FLI1: variants seen among roughly 807,000 people sequenced by gnomAD.
FLI1 encodes Friend leukemia integration 1 transcription factor.
In FLI1, 13 loss-of-function variants were observed where a neutral mutation model predicts 53.1. The ratio of observed to expected loss-of-function variants is 0.24; its 90% CI spans 0.16 to 0.39. FLI1 has a LOEUF of 0.39. Among genes scored for constraint, FLI1 ranks in the 10% least tolerant of loss-of-function variants. The pLI is 1.00. For synonymous variants in FLI1, 244 were observed against 236.7 expected (o/e 1.03, Z -0.28); for missense variants, 424 against 600.5 (o/e 0.71, Z 3.07).
chr11:128,771,773 G>A (rs929845157), intron 3 of FLI1, among the ~76,000 whole-genome samples: 7 of 151,982 alleles, frequency 4.6e-5, no homozygotes, highest in Admixed American at 4.6e-4. Context: ...ATGAGTCCTC[G>A]AACCACCGCC....
At chr11:128,721,701 C>A (rs192184456) in intron 1 of FLI1, among the ~76,000 whole-genome samples, 2 of 152,148 alleles carry the variant, frequency 1.3e-5, no homozygotes, top group Admixed American at 1.3e-4. Context: ...ACTCTTGGCA[C>A]TCTGGGATTT....
At chr11:128,743,114 A>G (rs1940208157) in intron 1 of FLI1, among the ~76,000 whole-genome samples, 1 of 152,134 alleles carries the variant, frequency 6.6e-6, no homozygotes, top group African/African-American at 2.4e-5. Flanking sequence ...CCATCTGGAC[A>G]TGGTGGCTCA....
At chr11:128,786,528 G>C (rs1405565214) in intron 5 of FLI1, among the ~76,000 whole-genome samples, 2 of 152,154 alleles carry the variant, frequency 1.3e-5, no homozygotes, top group African/African-American at 2.4e-5. Flanking sequence ...AGGATACTGG[G>C]GTTGCAGAAG....
At chr11:128,724,268 C>T (rs1044606238) in intron 1 of FLI1, among the ~76,000 whole-genome samples, 2 of 152,090 alleles carry the variant, frequency 1.3e-5, no homozygotes, top group African/African-American at 4.8e-5. Flanking sequence ...GAACATGACT[C>T]AGAATTTACC....
At chr11:128,786,627 A>C (rs114881225) in intron 5 of FLI1, among the ~76,000 whole-genome samples, 180 of 152,134 alleles carry the variant, frequency 1.2e-3, no homozygotes, top group African/African-American at 4.2e-3. Context: ...CAGGCTGCAG[A>C]TGTGCGTGTG....
Position 128,733,716 on chromosome 11 carries a change from T to C in FLI1, c.19-24399T>C, listed in dbSNP as rs976456844. On this transcript the variant is annotated intron_variant, in intron 1 of 8. Transcript: ENST00000527786. ...CTGAAAGTCCCTGAAGCTGTGCAAA[T>C]ACTGGATCCAGCAGAAGTTTTCTCT... 4.6e-5 allele frequency among the ~76,000 whole-genome samples: 7 copies of C among 152,196 alleles called. 1 individual carries two copies. The highest frequency in any genetic ancestry group is 1.7e-4 in the African/African-American group (7 of 41,444).
At chr11:128,720,516 G>A (rs1419885025) in intron 1 of FLI1, among the ~76,000 whole-genome samples, 1 of 152,184 alleles carries the variant, frequency 6.6e-6, no homozygotes, top group African/African-American at 2.4e-5. Flanking sequence ...GGGAGGCCAA[G>A]CCGGGCCTTC....
Position 128,812,836 on chromosome 11 carries a change from A to AAATC in FLI1, c.*1848_*1849insAATC, listed in dbSNP as rs1459773431. 5 of 116,596 alleles carry AAATC rather than the reference A, an allele frequency of 4.3e-5. No individual in the cohort carries two copies. The highest frequency in any genetic ancestry group is 8.9e-5 in the African/African-American group (3 of 33,726). The allele number at this position is 116,596 out of a possible 1,614,324, so 7.2% of individuals were successfully genotyped here. ...GTCTCAGACCAGGACTTTATGGCTC[A>AAATC]TGCAGATTTTTAAGGTCATTTTTCT... On this transcript the variant is annotated 3_prime_UTR_variant, in exon 9 of 9. Coordinates refer to ENST00000527786, the MANE Select transcript of FLI1 (RefSeq NM_002017.5).
intron 1 of FLI1, among the ~76,000 whole-genome samples, chr11:128,700,145 T>C (rs912877430): frequency 1.3e-5 from 2 of 152,210 alleles, no homozygotes; most frequent in African/African-American, 4.8e-5. Context: ...TGTAGTCCCT[T>C]TCATAAATCT....
Position 128,799,052 on chromosome 11 carries a change from A to ATTATTATTT in FLI1, c.656-6312_656-6311insATTATTTTT, listed in dbSNP as rs1555125698. Among the ~76,000 whole-genome samples the ATTATTATTT allele has an allele frequency of 5.2e-4, 73 of 140,452 alleles. 1 individual carries two copies. Among genetic ancestry groups the ATTATTATTT allele is most frequent in the East Asian group, 4.7e-3 (23 of 4,926 alleles). 92.1% of individuals were successfully genotyped at this position (140,452 alleles called of 152,430 possible). ...TATTATTATTATTATTATTATTATT[A>ATTATTATTT]TTTTGCTTTGGAGACAGGATCTCAC... On this transcript the variant is annotated intron_variant, in intron 5 of 8. Coordinates refer to ENST00000527786, the MANE Select transcript of FLI1 (RefSeq NM_002017.5).
At chr11:128,806,717 A>G (rs1200378349) in intron 6 of FLI1, 2 of 152,634 alleles carry the variant, frequency 1.3e-5, no homozygotes, top group African/African-American at 4.8e-5. Context: ...AGAGATACCA[A>G]GGAGGAAACT....
At chr11:128,769,158 C>A (rs1331044500) in intron 3 of FLI1, among the ~76,000 whole-genome samples, 1 of 152,176 alleles carries the variant, frequency 6.6e-6, no homozygotes, top group Non-Finnish European at 1.5e-5. Context: ...AAAATAAAAT[C>A]ATCGTTCAGT....
At chr11:128,689,070 C>T (rs1331775582), upstream of FLI1, among the ~76,000 whole-genome samples, 1 of 152,110 alleles carries the variant, frequency 6.6e-6, no homozygotes, top group East Asian at 1.9e-4. Flanking sequence ...TGAGATAAGT[C>T]CTATTATAAC....
At chr11:128,709,629 C>T (rs372514401) in intron 1 of FLI1, among the ~76,000 whole-genome samples, 38 of 152,176 alleles carry the variant, frequency 2.5e-4, no homozygotes, top group African/African-American at 8.4e-4. Context: ...GAATTCCAGG[C>T]TTGTGCTGCT....
chr11:128,698,135 G>A lies in FLI1; in HGVS notation c.18+3859G>A, dbSNP rs566282924. 4.4e-4 allele frequency among the ~76,000 whole-genome samples: 67 copies of A among 152,334 alleles called. 1 individual carries two copies. The South Asian group carries it at 0.012, about 28-fold the overall frequency. ...GGCTGGCTCTGCAAGGCTCTGGAGG[G>A]CAGGTTGTCACTGGCAGGGCAGGGA... On this transcript the variant is annotated intron_variant, in intron 1 of 8. Transcript: ENST00000527786.
At chr11:128,800,782 C>T (rs1942613885) in intron 5 of FLI1, among the ~76,000 whole-genome samples, 1 of 152,222 alleles carries the variant, frequency 6.6e-6, no homozygotes, top group South Asian at 2.1e-4. Flanking sequence ...TCCACAATGG[C>T]TGGCAATGTC....
chr11:128,810,998 C>T lies in FLI1; in HGVS notation c.*10C>T, dbSNP rs1337801221. The T allele has an allele frequency of 1.2e-6, 2 of 1,613,612 alleles. No homozygotes were observed. The highest frequency in any genetic ancestry group is 1.1e-5 in the South Asian group (1 of 91,062). On this transcript the variant is annotated 3_prime_UTR_variant, in exon 9 of 9. Transcript: ENST00000527786. The surrounding 1 kb of genome is among the most constrained non-coding windows in gnomAD (Gnocchi z 6.6). ...AGGCAGCTACTACTAGAAGCTTACT[C>T]ATCAGTGGCCTTCTAGCTGAAGCCC...
At chr11:128,686,312 T>A (rs1305797424), upstream of FLI1, 1 of 455,856 alleles carries the variant, frequency 2.2e-6, no homozygotes, top group African/African-American at 2.0e-5. Context: ...CATCCCCAGT[T>A]CGAAACTGCC....
intron 2 of FLI1, chr11:128,764,678 C>T (rs1295167816): frequency 6.5e-7 from 1 of 1,537,630 alleles, no homozygotes; most frequent in Non-Finnish European, 8.7e-7. Flanking sequence ...AAAGAGCAGC[C>T]TTTTATGCTG....
Sources: gnomAD v4.1 joint callset for allele counts (sites outside exome capture counted in the v4.1 genomes callset) on GRCh38, gnomAD v4.1.1 for gene constraint, Gnocchi (gnomAD v3.1) non-coding constraint, MANE v1.5 for transcripts, NCBI Gene and HGNC (gene_info 2026-07-23, HGNC 2026-07-21) for gene names.